Variants in QTMAN observed in about 807,000 individuals in gnomAD.
QTMAN encodes tRNA-queuosine alpha-mannosyltransferase.
At chr2:144,264,529 T>G in the QTMAN span, among the ~76,000 whole-genome samples, 1 of 152,144 alleles carries the variant, frequency 6.6e-6, no homozygotes, top group Non-Finnish European at 1.5e-5. Flanking sequence ...GATACGAAAA[T>G]TCCCCTGCTT....
chr2:144,321,027 T>C, the QTMAN span, among the ~76,000 whole-genome samples: 5 of 152,222 alleles, frequency 3.3e-5, 1 homozygote, highest in Non-Finnish European at 7.3e-5. Context: ...TATAGATGGA[T>C]TTCCCAACTT....
chr2:144,200,738 CA>C, the QTMAN span, among the ~76,000 whole-genome samples: 1 of 152,116 alleles, frequency 6.6e-6, no homozygotes, highest in Admixed American at 6.5e-5. Flanking sequence ...CAGAAAATGG[CA>C]GCTTTCATAG....
chr2:144,320,562 C>T, the QTMAN span, among the ~76,000 whole-genome samples: 1 of 152,176 alleles, frequency 6.6e-6, no homozygotes, highest in African/African-American at 2.4e-5. Context: ...AAGGAGCTCA[C>T]CTTCAGGTCA....
the QTMAN span, among the ~76,000 whole-genome samples, chr2:144,043,489 C>T: frequency 4.6e-5 from 7 of 151,978 alleles, no homozygotes; most frequent in South Asian, 1.5e-3. Context: ...CAAAAATTAG[C>T]CCAGCGTGGT....
chr2:144,132,449 C>T, the QTMAN span, among the ~76,000 whole-genome samples: 1 of 152,020 alleles, frequency 6.6e-6, no homozygotes, highest in Non-Finnish European at 1.5e-5. Flanking sequence ...AAATAGAATA[C>T]TAAACAACTA....
At chr2:144,286,641 T>C in the QTMAN span, among the ~76,000 whole-genome samples, 3 of 152,240 alleles carry the variant, frequency 2.0e-5, no homozygotes, top group Non-Finnish European at 4.4e-5. Context: ...ATCTATGTTT[T>C]GGTTTATACT....
chr2:144,293,929 A>T, the QTMAN span, among the ~76,000 whole-genome samples: 1 of 152,212 alleles, frequency 6.6e-6, no homozygotes, highest in African/African-American at 2.4e-5. Flanking sequence ...CTCTTAATGG[A>T]CTACACAATG....
chr2:144,058,133 AACACACACACAC>A, the QTMAN span, among the ~76,000 whole-genome samples: 11 of 97,224 alleles, frequency 1.1e-4, no homozygotes, highest in East Asian at 1.4e-3. Context: ...CACCCCGCTA[AACACACACACAC>A]ACACACACAC....
the QTMAN span, chr2:143,945,787 T>G: frequency 6.6e-6 from 1 of 152,368 alleles, no homozygotes; most frequent in Middle Eastern, 3.4e-3. Flanking sequence ...AAACAGAAGA[T>G]GGTTTATCAA....
chr2:144,266,246 T>C, the QTMAN span, among the ~76,000 whole-genome samples: 2 of 152,022 alleles, frequency 1.3e-5, no homozygotes, highest in African/African-American at 2.4e-5. Context: ...GGGGTGTAAA[T>C]AGGATTAAGT....
the QTMAN span, among the ~76,000 whole-genome samples, chr2:144,120,676 T>C: frequency 6.6e-6 from 1 of 152,188 alleles, no homozygotes; most frequent in Non-Finnish European, 1.5e-5. Context: ...TAAAAAGGGA[T>C]TTCGGTAAGA....
the QTMAN span, chr2:143,941,288 C>T: frequency 6.6e-6 from 1 of 152,212 alleles, no homozygotes; most frequent in African/African-American, 2.4e-5. Context: ...GAGTGTAAGA[C>T]CACAGGGAGT....
chr2:144,231,253 T>C, the QTMAN span, among the ~76,000 whole-genome samples: 8 of 152,172 alleles, frequency 5.3e-5, 1 homozygote, highest in Admixed American at 6.5e-5. Flanking sequence ...TTACCAATAT[T>C]TGATATCAAA....
the QTMAN span, among the ~76,000 whole-genome samples, chr2:144,174,802 T>C: frequency 3.3e-5 from 5 of 152,202 alleles, no homozygotes; most frequent in Non-Finnish European, 7.3e-5. Context: ...GTCATGATTA[T>C]GTGGCCTCCC....
At chr2:144,173,229 C>A in the QTMAN span, among the ~76,000 whole-genome samples, 1 of 152,174 alleles carries the variant, frequency 6.6e-6, no homozygotes, top group Non-Finnish European at 1.5e-5. Context: ...CCTAAGGTAG[C>A]CCCATGCTTC....
chr2:144,121,812 G>C, the QTMAN span, among the ~76,000 whole-genome samples: 1 of 152,110 alleles, frequency 6.6e-6, no homozygotes, highest in Admixed American at 6.6e-5. Flanking sequence ...ATGCCAAAGA[G>C]GCCCAATATT....
the QTMAN span, among the ~76,000 whole-genome samples, chr2:144,025,700 A>T: frequency 2.7e-4 from 41 of 152,288 alleles, no homozygotes; most frequent in African/African-American, 9.4e-4. Context: ...GGTATGTCTC[A>T]AAAGAACATA....
the QTMAN span, among the ~76,000 whole-genome samples, chr2:144,054,045 G>A: frequency 2.6e-4 from 40 of 152,110 alleles, no homozygotes; most frequent in East Asian, 7.8e-4. Context: ...AAAATTAGCC[G>A]GGCGGGGTGG....
At chr2:144,284,411 ATAAT>A in the QTMAN span, among the ~76,000 whole-genome samples, 13 of 152,216 alleles carry the variant, frequency 8.5e-5, no homozygotes, top group Non-Finnish European at 1.5e-4. Context: ...AATTATTATG[ATAAT>A]TAAGTAAAAA....
Sources: allele counts gnomAD v4.1 joint callset (sites outside exome capture counted in the v4.1 genomes callset), GRCh38; gene constraint gnomAD v4.1.1; transcripts MANE v1.5; gene names NCBI Gene and HGNC (gene_info 2026-07-23, HGNC 2026-07-21).